The following AGAP1 variants were observed in gnomAD, a reference collection of about 807,000 sequenced individuals.
AGAP1 encodes the protein ArfGAP with GTPase domain, ankyrin repeat and PH domain 1, also known as arf-GAP with GTPase, ANK repeat and PH domain-containing protein 1.
Under a neutral mutation model 105.3 loss-of-function variants are expected in AGAP1, and 29 were observed. The ratio of observed to expected loss-of-function variants is 0.28; its 90% CI spans 0.21 to 0.38. The LOEUF is 0.38. Ranked by LOEUF, AGAP1 falls within the 10% of genes least tolerant of loss-of-function variation. The pLI, the probability that AGAP1 is intolerant of heterozygous loss-of-function variation, is 1.00. For missense variants in AGAP1, 998 were observed against 1,165.1 expected (o/e 0.86, Z 2.09); for synonymous variants, 509 against 485.9 (o/e 1.05, Z -0.63).
intron 7 of AGAP1, among the ~76,000 whole-genome samples, 200 bp downstream of exon 7, chr2:235,798,086 C>T (rs1957324809): frequency 6.6e-6 from 1 of 152,056 alleles, no homozygotes. Context: ...TGTTTTCTGT[C>T]TTCATGCTGC....
intron 1 of AGAP1, among the ~76,000 whole-genome samples, chr2:235,528,365 C>T (rs1256179581): frequency 4.7e-5 from 7 of 148,048 alleles, no homozygotes; most frequent in Admixed American, 4.7e-4. Context: ...CCCTCCCCCG[C>T]CCCCTCCCCT....
intron 16 of AGAP1, among the ~76,000 whole-genome samples, chr2:236,107,541 C>T (rs771801549): frequency 1.3e-5 from 2 of 152,204 alleles, no homozygotes; most frequent in Non-Finnish European, 2.9e-5. Context: ...TCAGGCTGGT[C>T]AGGTACTCAA....
At chr2:235,684,035 CTTTTTTTG>C (rs1435174097) in intron 1 of AGAP1, among the ~76,000 whole-genome samples, 1 of 151,774 alleles carries the variant, frequency 6.6e-6, no homozygotes, top group African/African-American at 2.4e-5. Context: ...TGAACTCATC[CTTTTTTTG>C]TTTGTTTGTT....
At position 235,751,426 on chromosome 2, in the gene AGAP1, G is replaced by A. The variant is rs1484967850; in HGVS notation, c.673+938G>A. ...CCAGGGGGTTGTCGGGGGCAGAGCAGGGCAGCCACACTCGGGCTCTCCAGA... is the reference window on the plus strand; with the variant it reads ...CCAGGGGGTTGTCGGGGGCAGAGCAAGGCAGCCACACTCGGGCTCTCCAGA... On this transcript the variant is annotated intron_variant, in intron 6 of 17. Transcript: ENST00000304032. This position sits in a 1 kb window ranked among gnomAD's most constrained non-coding sequence, Gnocchi z 5.3. 3.9e-5 allele frequency among the ~76,000 whole-genome samples: 6 copies of A among 152,084 alleles called. No individual in the cohort carries two copies. The highest frequency in any genetic ancestry group is 1.4e-4 in the African/African-American group (6 of 41,418).
At chr2:235,815,511 T>C (rs1366800282) in intron 9 of AGAP1, among the ~76,000 whole-genome samples, 1 of 152,168 alleles carries the variant, frequency 6.6e-6, no homozygotes, top group Non-Finnish European at 1.5e-5. Flanking sequence ...GGGACGTATT[T>C]CATCCTGTAA....
chr2:235,679,042 C>A (rs543615042), intron 1 of AGAP1, among the ~76,000 whole-genome samples: 6 of 152,212 alleles, frequency 3.9e-5, no homozygotes, highest in Non-Finnish European at 8.8e-5. Flanking sequence ...GTGGATAATA[C>A]AATGATGGCG....
At chr2:235,817,673 T>A (rs1444653609) in intron 9 of AGAP1, among the ~76,000 whole-genome samples, 1 of 152,150 alleles carries the variant, frequency 6.6e-6, no homozygotes, top group Non-Finnish European at 1.5e-5. Context: ...GGCAGATCAG[T>A]TGTGGCCAGG....
At chr2:235,816,440 A>G (rs1251933063) in intron 9 of AGAP1, among the ~76,000 whole-genome samples, 1 of 41,812 alleles carries the variant, frequency 2.4e-5, no homozygotes, top group African/African-American at 5.7e-5. Flanking sequence ...TCCGTCTCAA[A>G]AAAAAAAAAA....
At position 235,573,068 on chromosome 2, in the gene AGAP1, T is replaced by C. The variant is rs1310333710; in HGVS notation, c.163+78219T>C. On this transcript the variant is annotated intron_variant, in intron 1 of 17. Coordinates refer to ENST00000304032, the MANE Select transcript of AGAP1 (RefSeq NM_001037131.3). ...TTCTTCTTCTTCTTCTTCTTTCTTC[T>C]TTCTTCTTTCTTCTTTCTTCTTTCT... Among the ~76,000 whole-genome samples the C allele has an allele frequency of 6.1e-3, 762 of 124,192 alleles. 166 individuals carry two copies. In the East Asian group the frequency reaches 0.068, roughly 11 times the overall value. The allele number at this position is 124,192 out of a possible 152,430, so 81.5% of individuals were successfully genotyped here. A position where few individuals can be genotyped will look rare whatever the true frequency, so the allele number is the denominator to read the frequency against.
intron 9 of AGAP1, among the ~76,000 whole-genome samples, chr2:235,876,420 A>G (rs1023557300): frequency 6.6e-6 from 1 of 152,034 alleles, no homozygotes; most frequent in Non-Finnish European, 1.5e-5. Flanking sequence ...GCTAAACCTT[A>G]AGTGTCACCA....
chr2:235,814,493 C>T (rs1290453507), intron 9 of AGAP1, among the ~76,000 whole-genome samples: 3 of 152,190 alleles, frequency 2.0e-5, no homozygotes, highest in African/African-American at 7.2e-5. Flanking sequence ...ATTTGATCAA[C>T]TAGTAACAAT....
At chr2:236,093,754 AC>A (rs1184912350) in intron 16 of AGAP1, among the ~76,000 whole-genome samples, 1 of 133,524 alleles carries the variant, frequency 7.5e-6, no homozygotes, top group Admixed American at 7.4e-5. Flanking sequence ...AATCCCAAAC[AC>A]CATAATCCCA....
At position 235,635,623 on chromosome 2, in the gene AGAP1, G is replaced by A. The variant is rs1470395649; in HGVS notation, c.164-73556G>A. 6.6e-6 allele frequency among the ~76,000 whole-genome samples: 1 copy of A among 152,004 alleles called. No homozygotes were observed. The highest frequency in any genetic ancestry group is 1.5e-5 in the Non-Finnish European group (1 of 67,988). ...CTAGAGCAACCTACTAGATCAATGA[G>A]TTTTCTAGGGAGGCATCAGAGTTAG... On this transcript the variant is annotated intron_variant, in intron 1 of 17. Transcript: ENST00000304032. The surrounding 1 kb of genome is among the most constrained non-coding windows in gnomAD (Gnocchi z 5.3).
At chr2:235,676,971 A>C (rs1948775159) in intron 1 of AGAP1, among the ~76,000 whole-genome samples, 1 of 152,192 alleles carries the variant, frequency 6.6e-6, no homozygotes, top group South Asian at 2.1e-4. Context: ...ATTTTGAAAG[A>C]AGTACCATCT....
chr2:236,046,105 A>C lies in AGAP1; in HGVS notation c.1892-2954A>C, dbSNP rs1413828395. ...TTCTGTATCTGCAACCCACAGCGGC[A>C]TGGAGGGCGGTGGGGTGGGCATAGG... On this transcript the variant is annotated intron_variant, in intron 15 of 17. Transcript: ENST00000304032. This position sits in a 1 kb window ranked among gnomAD's most constrained non-coding sequence, Gnocchi z 5.2. 2.2e-6 allele frequency: 1 copy of C among 452,438 alleles called. No homozygotes were observed. The highest frequency in any genetic ancestry group is 4.7e-6 in the Non-Finnish European group (1 of 213,822). 28.0% of individuals were successfully genotyped at this position (452,438 alleles called of 1,614,324 possible).
chr2:235,710,248 T>G (rs2149516406), intron 2 of AGAP1, among the ~76,000 whole-genome samples: 1 of 152,332 alleles, frequency 6.6e-6, no homozygotes, highest in South Asian at 2.1e-4. Context: ...GACAGGATCC[T>G]TCCGGTCCTT....
rs142714914 is a variant in AGAP1 at position 236,062,483 on chromosome 2, TA to T, written c.2114+13203del. On this transcript the variant is annotated intron_variant, in intron 16 of 17. Transcript: ENST00000304032. This position sits in a 1 kb window ranked among gnomAD's most constrained non-coding sequence, Gnocchi z 4.2. ...TTGTTACTTTTCATTTATTTTCATGTATTTTTTTTAGAAACAGAATCTCACT... is the reference window on the plus strand; with the variant it reads ...TTGTTACTTTTCATTTATTTTCATGTTTTTTTTTAGAAACAGAATCTCACT... Among the ~76,000 whole-genome samples, 83,338 of 151,288 alleles carry T rather than the reference TA, an allele frequency of 0.55. 23,208 individuals are homozygous for T. Among genetic ancestry groups the T allele is most frequent in the East Asian group, 0.63 (3,216 of 5,114 alleles).
rs1299765128 is a variant in AGAP1, at chr2:236,083,733, TAA to T, written c.2114+34453_2114+34454del. 1.3e-5 allele frequency among the ~76,000 whole-genome samples: 2 copies of T among 152,118 alleles called. No homozygotes were observed. Among genetic ancestry groups the T allele is most frequent in the Non-Finnish European group, 2.9e-5 (2 of 68,026 alleles). On this transcript the variant is annotated intron_variant, in intron 16 of 17. Coordinates refer to ENST00000304032, the MANE Select transcript of AGAP1 (RefSeq NM_001037131.3). This position sits in a 1 kb window ranked among gnomAD's most constrained non-coding sequence, Gnocchi z 5.3. Reference sequence around the variant, plus strand: ...TTAATACCTTAAAAATACTGCACATTAAGTCTGTTTTTTTACAGAAGGATAAA... The same window carrying T: ...TTAATACCTTAAAAATACTGCACATTGTCTGTTTTTTTACAGAAGGATAAA...
intron 16 of AGAP1, among the ~76,000 whole-genome samples, chr2:236,075,284 C>T (rs1377080450): frequency 4.0e-5 from 6 of 151,866 alleles, no homozygotes; most frequent in Non-Finnish European, 8.8e-5. Context: ...GAAGTGTATC[C>T]CTAAAAACAG....
Sources: allele counts gnomAD v4.1 joint callset (sites outside exome capture counted in the v4.1 genomes callset), GRCh38; gene constraint gnomAD v4.1.1; non-coding constraint Gnocchi (gnomAD v3.1); transcripts MANE v1.5; gene names NCBI Gene and HGNC (gene_info 2026-07-23, HGNC 2026-07-21).